Variants in SLC2A13 observed in about 807,000 individuals in gnomAD.
SLC2A13 encodes solute carrier family 2 member 13, also known as proton myo-inositol cotransporter.
SLC2A13 carries 32 observed loss-of-function variants against 64.4 expected under a neutral mutation model. That is an observed-to-expected ratio of 0.50 (90% CI 0.37 to 0.67). SLC2A13 has a LOEUF of 0.67. SLC2A13 is among the 30% of genes least tolerant of loss of function. SLC2A13 has a pLI of 0.00. For missense variants in SLC2A13, 743 were observed against 829.2 expected, an observed-to-expected ratio of 0.90 and a Z score of 1.28; for synonymous variants, 338 against 327.1, an observed-to-expected ratio of 1.03 and a Z score of -0.36.
At chr12:39,957,556 TCATTCCCACATCCAGGGAGTTCTC>T (rs1383568248) in intron 3 of SLC2A13, among the ~76,000 whole-genome samples, 7 of 152,192 alleles carry the variant, frequency 4.6e-5, no homozygotes, top group Non-Finnish European at 7.4e-5. Flanking sequence ...GCCACTCATT[TCATTCCCACATCCAGGGAGTTCTC>T]CATTCCCACA....
intron 1 of SLC2A13, among the ~76,000 whole-genome samples, chr12:40,067,018 A>G (rs1004545580): frequency 5.9e-5 from 9 of 152,178 alleles, no homozygotes; most frequent in Admixed American, 5.2e-4. Flanking sequence ...AATTTCAATA[A>G]CGAACAATAT....
intron 7 of SLC2A13, among the ~76,000 whole-genome samples, chr12:39,768,170 CTTT>C (rs765128679): frequency 1.3e-5 from 2 of 152,206 alleles, no homozygotes; most frequent in Middle Eastern, 3.4e-3. Flanking sequence ...TAGCCTCAAA[CTTT>C]TCTTCTACAG....
chr12:39,960,539 C>A (rs1423824163), intron 3 of SLC2A13, among the ~76,000 whole-genome samples: 1 of 152,034 alleles, frequency 6.6e-6, no homozygotes, highest in African/African-American at 2.4e-5. Flanking sequence ...ATGACCATGC[C>A]TGGCTAATTT....
chr12:39,976,970 G>GT (rs1434289340), intron 3 of SLC2A13, among the ~76,000 whole-genome samples: 1 of 152,012 alleles, frequency 6.6e-6, no homozygotes, highest in Admixed American at 6.5e-5. Context: ...GCATTAAAAT[G>GT]TTTTCCTAAA....
At chr12:39,970,611 G>C (rs1946630386) in intron 3 of SLC2A13, among the ~76,000 whole-genome samples, 1 of 152,066 alleles carries the variant, frequency 6.6e-6, no homozygotes, top group Non-Finnish European at 1.5e-5. Context: ...CAAGTCCTTA[G>C]GTAATTCTAC....
intron 4 of SLC2A13, among the ~76,000 whole-genome samples, chr12:39,898,198 G>T (rs1459843491): frequency 6.6e-6 from 1 of 152,070 alleles, no homozygotes; most frequent in Non-Finnish European, 1.5e-5. Flanking sequence ...AATATGATGG[G>T]TTTAATGTCT....
intron 3 of SLC2A13, among the ~76,000 whole-genome samples, chr12:40,004,456 T>C (rs1042505562): frequency 5.3e-5 from 8 of 152,148 alleles, no homozygotes; most frequent in Non-Finnish European, 1.2e-4. Context: ...AGTGCTGGTG[T>C]TACAGGCATG....
chr12:39,991,806 T>TTTA (rs201888042), intron 3 of SLC2A13, among the ~76,000 whole-genome samples: 21 of 151,734 alleles, frequency 1.4e-4, no homozygotes, highest in African/African-American at 4.1e-4. Context: ...ACTATCTTTT[T>TTTA]AAAAAAAAAT....
At chr12:39,930,708 A>G (rs1293511626) in intron 4 of SLC2A13, among the ~76,000 whole-genome samples, 1 of 152,208 alleles carries the variant, frequency 6.6e-6, no homozygotes, top group Non-Finnish European at 1.5e-5. Context: ...TGTATGTAAT[A>G]CTGTGATAAA....
At chr12:39,820,941 C>G (rs1377834390) in intron 7 of SLC2A13, among the ~76,000 whole-genome samples, 1 of 151,674 alleles carries the variant, frequency 6.6e-6, no homozygotes, top group Non-Finnish European at 1.5e-5. Context: ...CACATTAGCC[C>G]CTACTTAAAA....
Position 39,895,677 on chromosome 12 carries a change from C to T in SLC2A13, c.1035-23716G>A, listed in dbSNP as rs71449740. On this transcript the variant is annotated intron_variant, in intron 4 of 9. Transcript: ENST00000280871. ...ACACACATATGTATATGCGTGTATA[C>T]GTACACACATATGTATATGCGTGTA... is the stretch of plus-strand genomic sequence containing the variant. 8.3e-3 allele frequency among the ~76,000 whole-genome samples: 308 copies of T among 37,282 alleles called. 46 individuals are homozygous for T. Among genetic ancestry groups the T allele is most frequent in the African/African-American group, 0.018 (235 of 13,422 alleles). The allele number at this position is 37,282 out of a possible 152,430, so 24.5% of individuals were successfully genotyped here.
intron 3 of SLC2A13, among the ~76,000 whole-genome samples, chr12:39,976,451 T>C (rs1946759156): frequency 6.6e-6 from 1 of 152,240 alleles, no homozygotes; most frequent in South Asian, 2.1e-4. Context: ...AAGCAGACCA[T>C]ATATGAACAC....
chr12:39,978,733 G>A (rs1222592737), intron 3 of SLC2A13, among the ~76,000 whole-genome samples: 1 of 152,200 alleles, frequency 6.6e-6, no homozygotes, highest in Non-Finnish European at 1.5e-5. Flanking sequence ...CAAGGCGGCA[G>A]CAAGGCTGGG....
chr12:39,885,223 A>T (rs1364010666), intron 4 of SLC2A13, among the ~76,000 whole-genome samples: 1 of 152,198 alleles, frequency 6.6e-6, no homozygotes, highest in Non-Finnish European at 1.5e-5. Flanking sequence ...GACTGCCAGT[A>T]CCCAAAGATT....
intron 4 of SLC2A13, among the ~76,000 whole-genome samples, chr12:39,889,679 C>A (rs1944554721): frequency 6.6e-6 from 1 of 151,696 alleles, no homozygotes; most frequent in Non-Finnish European, 1.5e-5. Flanking sequence ...ACTACAGGTG[C>A]CCACCACCAC....
At chr12:40,056,843 C>T (rs891037284) in intron 1 of SLC2A13, among the ~76,000 whole-genome samples, 16 of 152,106 alleles carry the variant, frequency 1.1e-4, no homozygotes, top group African/African-American at 3.4e-4. Context: ...ACACAGTCTC[C>T]ACCATTTTTT....
In SLC2A13 at chr12:39,902,085, C is replaced by T. The variant is rs56719550; in HGVS notation, c.1035-30124G>A. Among the ~76,000 whole-genome samples, 37 of 150,890 alleles carry T rather than the reference C, an allele frequency of 2.5e-4. No individual in the cohort carries two copies. In the East Asian group the frequency reaches 6.5e-3, roughly 27 times the overall value. On this transcript the variant is annotated intron_variant, in intron 4 of 9. Transcript: ENST00000280871. ...GAAACCATCATTCTCAGCAAAGTATCGCAAGGACAAAAAACCAAACACCGC... is the reference window on the plus strand; with the variant it reads ...GAAACCATCATTCTCAGCAAAGTATTGCAAGGACAAAAAACCAAACACCGC...
chr12:39,817,037 G>GA (rs1169089029), intron 7 of SLC2A13, among the ~76,000 whole-genome samples: 28 of 148,914 alleles, frequency 1.9e-4, no homozygotes, highest in Admixed American at 4.7e-4. Context: ...TGCCTTGAGG[G>GA]AAAAAAAAAA....
intron 6 of SLC2A13, among the ~76,000 whole-genome samples, chr12:39,839,990 G>A (rs914030511): frequency 6.6e-6 from 1 of 151,894 alleles, no homozygotes; most frequent in Admixed American, 6.6e-5. Context: ...TCAATTCTAT[G>A]TCTCAAGCAT....
Sources: allele counts gnomAD v4.1 joint callset (sites outside exome capture counted in the v4.1 genomes callset), GRCh38; gene constraint gnomAD v4.1.1; transcripts MANE v1.5; gene names NCBI Gene and HGNC (gene_info 2026-07-23, HGNC 2026-07-21).